Variants in ZNF500 observed in about 807,000 individuals in gnomAD.
The protein encoded by ZNF500 is zinc finger protein 500.
ZNF500 carries 31 observed loss-of-function variants against 30.1 expected under a neutral mutation model. The ratio of observed to expected loss-of-function variants is 1.03; its 90% CI spans 0.77 to 1.39. The LOEUF is 1.39. Among genes scored for constraint, ZNF500 ranks in the 40% most tolerant of loss-of-function variants. The probability of loss-of-function intolerance (pLI) is 0.00; values close to 1 mark genes in which losing one functional copy is unlikely to be tolerated. For missense variants in ZNF500, 817 were observed against 657.8 expected (o/e 1.24, Z -2.65); for synonymous variants, 392 against 282.0 (o/e 1.39, Z -3.91).
chr16:4,757,265 G>A (rs947440491), intron 5 of ZNF500, among the ~76,000 whole-genome samples: 1 of 152,198 alleles, frequency 6.6e-6, no homozygotes, highest in Non-Finnish European at 1.5e-5. Context: ...CGGGTTGCCC[G>A]TGAATTTCAT....
At chr16:4,757,892 G>A (rs1447083038) in intron 5 of ZNF500, among the ~76,000 whole-genome samples, 9 of 137,218 alleles carry the variant, frequency 6.6e-5, no homozygotes, top group African/African-American at 1.6e-4. Flanking sequence ...GTGAGCCACC[G>A]CGCCAGCCAA....
rs2141851974 is a variant in ZNF500, at chr16:4,765,746, C to T, written c.233G>A (p.Trp78Ter). ...CTTGGTGCGCAGCTCCGGCCGCAGC[C>T]AGCGGCAGCACAGCTCCCAGAGGCG... ...LSRLWELCCR[W>*]LRPELRTKEQ... The change falls in exon 2 of 6, where the codon TGG becomes TAG. Residue 78 changes from tryptophan (W) to a stop codon, truncating the protein, a stop_gained. Transcript: ENST00000219478. LOFTEE classifies it high-confidence loss of function. The T allele has an allele frequency of 1.9e-6, 3 of 1,613,234 alleles. No homozygotes were observed. Among genetic ancestry groups the T allele is most frequent in the East Asian group, 4.5e-5 (2 of 44,876 alleles).
In ZNF500 at chr16:4,762,790, C is replaced by T. The variant is rs765681541; in HGVS notation, c.415-34G>A. On this transcript the variant is annotated intron_variant, in intron 2 of 5. Transcript: ENST00000219478. ...AGACAGTGATCTCCCCACCAGCTCC[C>T]AGAAGGCCAGAAGGAAAAATCCCCG... 6 of 1,542,166 alleles carry T rather than the reference C, an allele frequency of 3.9e-6. No homozygotes were observed. In the African/African-American group the frequency reaches 6.8e-5, roughly 18 times the overall value.
chr16:4,752,328 C>G lies in ZNF500; in HGVS notation c.*48G>C, dbSNP rs1460894976. ...AGGCTGTCTAGCAGTTTCCTGAATT[C>G]TGTGCCCAGGGATGAGAGTCCTGGA... On this transcript the variant is annotated 3_prime_UTR_variant, in exon 6 of 6. Coordinates refer to ENST00000219478, the MANE Select transcript of ZNF500 (RefSeq NM_021646.4). 3.5e-6 allele frequency: 5 copies of G among 1,441,406 alleles called. No individual in the cohort carries two copies. Among genetic ancestry groups the G allele is most frequent in the Non-Finnish European group, 4.5e-6 (5 of 1,102,378 alleles). 89.3% of individuals were successfully genotyped at this position (1,441,406 alleles called of 1,614,324 possible).
chr16:4,746,724 A>G (rs905115937), downstream of ZNF500: 2 of 790,850 alleles, frequency 2.5e-6, no homozygotes, highest in Non-Finnish European at 3.9e-6. Context: ...GCTGGGCTCT[A>G]TGCAATAGAG....
intron 2 of ZNF500, chr16:4,763,804 A>T: frequency 1.0e-6 from 1 of 985,384 alleles, no homozygotes; most frequent in Non-Finnish European, 1.2e-6. Context: ...GGCCACCCCG[A>T]TGGCAGGATT....
intron 1 of ZNF500, 48 bp from the exon 2 acceptor site, chr16:4,766,124 T>C (rs1409018055): frequency 7.9e-6 from 8 of 1,013,976 alleles, no homozygotes; most frequent in Non-Finnish European, 1.1e-5. Flanking sequence ...TGGGGCTGGA[T>C]AAGCCCTTTG....
At chr16:4,753,241 G>A (rs2082104116) in intron 5 of ZNF500, 183 bp from the exon 6 acceptor site, 3 of 1,248,882 alleles carry the variant, frequency 2.4e-6, no homozygotes, top group East Asian at 5.4e-5. Context: ...TGGGAGGATT[G>A]CTTGAGCCCA....
In ZNF500 at chr16:4,752,299, G is replaced by C; in HGVS notation, c.*77C>G. 2 of 1,431,172 alleles carry C rather than the reference G, an allele frequency of 1.4e-6. No homozygotes were observed. Among genetic ancestry groups the C allele is most frequent in the Non-Finnish European group, 1.8e-6 (2 of 1,097,106 alleles). 88.7% of individuals were successfully genotyped at this position (1,431,172 alleles called of 1,614,324 possible). ...AAACGGGCAGCTGGCAATGCTTTCGGACCAGGCTGTCTAGCAGTTTCCTGA... is the reference window on the plus strand; with the variant it reads ...AAACGGGCAGCTGGCAATGCTTTCGCACCAGGCTGTCTAGCAGTTTCCTGA... On this transcript the variant is annotated 3_prime_UTR_variant, in exon 6 of 6. Transcript: ENST00000219478.
intron 3 of ZNF500, 110 bp from the exon 4 acceptor site, chr16:4,762,445 C>T: frequency 6.6e-7 from 1 of 1,517,514 alleles, no homozygotes; most frequent in Non-Finnish European, 8.9e-7. Flanking sequence ...CCAAGATCCA[C>T]TCCTTGCTGG....
chr16:4,759,947 G>A (rs1016016564), intron 5 of ZNF500, among the ~76,000 whole-genome samples: 3 of 152,224 alleles, frequency 2.0e-5, no homozygotes, highest in Admixed American at 2.0e-4. Context: ...GCTGAGGTGG[G>A]AGCATCGCTT....
downstream of ZNF500, chr16:4,747,493 A>G (rs2082033300): frequency 1.2e-6 from 2 of 1,613,150 alleles, no homozygotes; most frequent in Non-Finnish European, 1.7e-6. Context: ...GGAGGAAGCA[A>G]CACATGAAGC....
In ZNF500 at chr16:4,753,339, G is replaced by A. The variant is rs149049713; in HGVS notation, c.761-281C>T. On this transcript the variant is annotated intron_variant, in intron 5 of 5. Transcript: ENST00000219478. The stretch of plus-strand genomic sequence containing the variant: ...TAGCTGGGCATGGTGGCGTGTGCCT[G>A]TAGTCCTAGCTACTCAGGAGGCTGA... 6.8e-3 allele frequency among the ~76,000 whole-genome samples: 1,033 copies of A among 152,312 alleles called. 14 individuals carry two copies. The highest frequency in any genetic ancestry group is 0.023 in the African/African-American group (936 of 41,558).
chr16:4,760,780 C>T (rs561105423), intron 4 of ZNF500, among the ~76,000 whole-genome samples, 192 bp from the exon 5 acceptor site: 1 of 152,310 alleles, frequency 6.6e-6, no homozygotes, highest in South Asian at 2.1e-4. Flanking sequence ...CCATGTGCCA[C>T]TGCTGCAGAG....
chr16:4,746,917 C>T (rs1388385427), downstream of ZNF500: 23 of 1,541,440 alleles, frequency 1.5e-5, no homozygotes, highest in Non-Finnish European at 1.9e-5. Context: ...ACCCATTTCT[C>T]TCCCTGCAGC....
At chr16:4,760,413 G>C in intron 5 of ZNF500, 79 bp downstream of exon 5, 1 of 1,406,654 alleles carries the variant, frequency 7.1e-7, no homozygotes, top group Non-Finnish European at 9.9e-7. Context: ...TGGACCAACA[G>C]AACCAAGCCC....
At chr16:4,757,632 T>A (rs968836772) in intron 5 of ZNF500, among the ~76,000 whole-genome samples, 3 of 152,018 alleles carry the variant, frequency 2.0e-5, no homozygotes, top group African/African-American at 7.2e-5. Flanking sequence ...AAACGGAGTC[T>A]TGCTCTGTTG....
At chr16:4,763,118 CCAG>C (rs2082225851) in intron 2 of ZNF500, 1 of 985,266 alleles carries the variant, frequency 1.0e-6, no homozygotes, top group African/African-American at 1.7e-5. Context: ...AATTATCTGG[CCAG>C]CTGCAATGGC....
rs2082097939 is a variant in ZNF500, at chr16:4,752,824, T to C, written c.995A>G (p.Lys332Arg). The change falls in exon 6 of 6, where the codon AAA becomes AGA. Residue 332 changes from lysine (K) to arginine (R), a missense_variant. Coordinates refer to ENST00000219478, the MANE Select transcript of ZNF500 (RefSeq NM_021646.4). Reference protein sequence around the residue: ...DKPYTCPECGKGFSKTSHLTK... With the variant: ...DKPYTCPECGRGFSKTSHLTK... ...CAAGTGGGACGTCTTGCTGAAGCCT[T>C]TGCCACATTCGGGGCAGGTGTACGG... The C allele has an allele frequency of 1.9e-6, 3 of 1,614,108 alleles. No individual in the cohort carries two copies. The highest frequency in any genetic ancestry group is 1.3e-5 in the African/African-American group (1 of 74,944).
Sources: allele counts gnomAD v4.1 joint callset (sites outside exome capture counted in the v4.1 genomes callset), GRCh38; gene constraint gnomAD v4.1.1; transcripts MANE v1.5; gene names NCBI Gene and HGNC (gene_info 2026-07-23, HGNC 2026-07-21).